The following MAPK8 variants were observed in gnomAD, a reference collection of about 807,000 sequenced individuals.
MAPK8 encodes the protein JUN N-terminal kinase.
Under a neutral mutation model 52.9 loss-of-function variants are expected in MAPK8, and 13 were observed. The observed-to-expected ratio is 0.25, with a 90% CI of 0.16 to 0.39. The LOEUF (loss-of-function observed/expected upper bound fraction) is 0.39. MAPK8 is among the 10% of genes least tolerant of loss of function. The pLI, the probability that MAPK8 is intolerant of heterozygous loss-of-function variation, is 1.00. For missense variants in MAPK8, 300 were observed against 519.2 expected (o/e 0.58, Z 4.10); for synonymous variants, 191 against 169.8 (o/e 1.12, Z -0.97).
At chr10:48,319,862 C>G (rs901878238) in intron 1 of MAPK8, among the ~76,000 whole-genome samples, 1 of 152,018 alleles carries the variant, frequency 6.6e-6, no homozygotes, top group Admixed American at 6.6e-5. Flanking sequence ...TTTCACTTAG[C>G]ATGATGTTTT....
At chr10:48,339,681 T>TA (rs1186646993) in intron 1 of MAPK8, among the ~76,000 whole-genome samples, 1 of 152,164 alleles carries the variant, frequency 6.6e-6, no homozygotes, top group Non-Finnish European at 1.5e-5. Flanking sequence ...AAAGGACTGA[T>TA]ATCCATAATA....
intron 1 of MAPK8, among the ~76,000 whole-genome samples, chr10:48,358,790 T>C (rs943343861): frequency 6.6e-6 from 1 of 152,188 alleles, no homozygotes; most frequent in Non-Finnish European, 1.5e-5. Flanking sequence ...TTTTTGAACA[T>C]GGTATAGGTA....
intron 11 of MAPK8, among the ~76,000 whole-genome samples, chr10:48,432,647 C>T (rs2044417580): frequency 2.0e-5 from 3 of 152,152 alleles, no homozygotes; most frequent in Non-Finnish European, 4.4e-5. Context: ...CAGTTTTATA[C>T]TTTAGCATAC....
chr10:48,416,825 G>T (rs2133151894), intron 5 of MAPK8, among the ~76,000 whole-genome samples: 1 of 152,180 alleles, frequency 6.6e-6, no homozygotes, highest in East Asian at 1.9e-4. Flanking sequence ...ATAGTACCTG[G>T]CTCTACCCTG....
At chr10:48,344,314 T>C (rs1420475829) in intron 1 of MAPK8, among the ~76,000 whole-genome samples, 1 of 152,238 alleles carries the variant, frequency 6.6e-6, no homozygotes, top group Non-Finnish European at 1.5e-5. Flanking sequence ...CAGCTACTTT[T>C]GTTTTTAGTG....
At chr10:48,398,205 A>G (rs2041984880) in intron 1 of MAPK8, among the ~76,000 whole-genome samples, 1 of 152,218 alleles carries the variant, frequency 6.6e-6, no homozygotes, top group Non-Finnish European at 1.5e-5. Flanking sequence ...AGACTGGGAA[A>G]AAATAGTTGC....
intron 1 of MAPK8, among the ~76,000 whole-genome samples, chr10:48,384,800 C>G (rs1450522531): frequency 6.6e-6 from 1 of 152,166 alleles, no homozygotes; most frequent in Non-Finnish European, 1.5e-5. Context: ...CCAGGAATGG[C>G]TAAGGGTGGC....
chr10:48,392,113 C>T (rs552457267), intron 1 of MAPK8, among the ~76,000 whole-genome samples: 7 of 152,266 alleles, frequency 4.6e-5, no homozygotes, highest in African/African-American at 1.4e-4. Flanking sequence ...TAATCTAATA[C>T]TAACAGGCCG....
chr10:48,387,469 T>C (rs1331668087), intron 1 of MAPK8, among the ~76,000 whole-genome samples: 1 of 152,208 alleles, frequency 6.6e-6, no homozygotes, highest in East Asian at 1.9e-4. Flanking sequence ...AGAGCTCAGA[T>C]TAATTTTTAT....
intron 1 of MAPK8, among the ~76,000 whole-genome samples, chr10:48,332,908 G>A (rs1222122222): frequency 6.6e-6 from 1 of 152,230 alleles, no homozygotes; most frequent in East Asian, 1.9e-4. Context: ...GGAGCTTTAG[G>A]GCCTGGTTAA....
chr10:48,356,353 A>G (rs927466012), intron 1 of MAPK8, among the ~76,000 whole-genome samples: 3 of 152,192 alleles, frequency 2.0e-5, no homozygotes, highest in Admixed American at 6.5e-5. Flanking sequence ...AATAGAGGTA[A>G]TAACTTGTGA....
intron 1 of MAPK8, among the ~76,000 whole-genome samples, chr10:48,373,989 T>G (rs1195183296): frequency 1.3e-5 from 2 of 152,100 alleles, no homozygotes; most frequent in African/African-American, 4.8e-5. Flanking sequence ...ATTGACCACA[T>G]AAGTGGAGGT....
At chr10:48,412,763 A>G (rs144422555) in intron 5 of MAPK8, among the ~76,000 whole-genome samples, 3 of 152,332 alleles carry the variant, frequency 2.0e-5, no homozygotes, top group African/African-American at 7.2e-5. Context: ...AATATTTCCC[A>G]ATGTTTTTTC....
chr10:48,419,596 G>A (rs1449835717), intron 5 of MAPK8, among the ~76,000 whole-genome samples: 1 of 152,164 alleles, frequency 6.6e-6, no homozygotes, highest in African/African-American at 2.4e-5. Flanking sequence ...TAGCAAATTT[G>A]TGTGACTTCA....
At chr10:48,415,556 A>G (rs2043019659) in intron 5 of MAPK8, among the ~76,000 whole-genome samples, 2 of 152,256 alleles carry the variant, frequency 1.3e-5, no homozygotes. Flanking sequence ...GTATTTCCAT[A>G]ACACAAACAT....
At chr10:48,416,490 T>A (rs2043071138) in intron 5 of MAPK8, among the ~76,000 whole-genome samples, 1 of 152,200 alleles carries the variant, frequency 6.6e-6, no homozygotes, top group Admixed American at 6.5e-5. Context: ...ATTCCACACC[T>A]TCTTAAGGGA....
chr10:48,320,455 T>G (rs1407118643), intron 1 of MAPK8, among the ~76,000 whole-genome samples: 6 of 151,896 alleles, frequency 4.0e-5, no homozygotes, highest in African/African-American at 1.5e-4. Context: ...CAGGCTGGTC[T>G]TGAACTCCTG....
At chr10:48,385,779 T>C (rs1180853631) in intron 1 of MAPK8, among the ~76,000 whole-genome samples, 1 of 152,218 alleles carries the variant, frequency 6.6e-6, no homozygotes, top group African/African-American at 2.4e-5. Flanking sequence ...ATTTGTCATA[T>C]TTGGTTATCA....
chr10:48,370,013 G>A (rs758722259), intron 1 of MAPK8, among the ~76,000 whole-genome samples: 77 of 152,040 alleles, frequency 5.1e-4, no homozygotes, highest in Admixed American at 1.1e-3. Flanking sequence ...TTATGACAGC[G>A]AAGTAAGGTT....
Sources: allele counts gnomAD v4.1 joint callset (sites outside exome capture counted in the v4.1 genomes callset), GRCh38; gene constraint gnomAD v4.1.1; transcripts MANE v1.5; gene names NCBI Gene and HGNC (gene_info 2026-07-23, HGNC 2026-07-21).